Variants in AGBL1 observed in about 807,000 individuals in gnomAD.
The protein encoded by AGBL1 is cytosolic carboxypeptidase 4.
Under a neutral mutation model 118.9 loss-of-function variants are expected in AGBL1, and 130 were observed. The ratio of observed to expected loss-of-function variants is 1.09; its 90% confidence interval spans 0.95 to 1.26. AGBL1 has a LOEUF of 1.26. Ranked by LOEUF, AGBL1 falls within the 50% of genes most tolerant of loss-of-function variation. The pLI is 0.00. For synonymous variants in AGBL1, 555 were observed against 478.9 expected, an observed-to-expected ratio of 1.16 and a Z score of -2.08; for missense variants, 1,584 against 1,298.1, an observed-to-expected ratio of 1.22 and a Z score of -3.38.
Position 86,958,027 on chromosome 15 carries a change from C to A in AGBL1, c.3222-29960C>A, listed in dbSNP as rs566847753. ...GACCAGCCTAAGCCTCATGGCAAGA[C>A]CCTTGTAACTTAAAAATAAAAATAA... On this transcript the variant is annotated intron_variant, in intron 23 of 24. Transcript: ENST00000441037. Among the ~76,000 whole-genome samples, 6 of 151,744 alleles carry A rather than the reference C, an allele frequency of 4.0e-5. No homozygotes were observed. In the South Asian group the frequency reaches 1.2e-3, roughly 32 times the overall value.
chr15:86,226,436 T>C (rs1178224247), intron 6 of AGBL1, among the ~76,000 whole-genome samples: 1 of 152,176 alleles, frequency 6.6e-6, no homozygotes, highest in African/African-American at 2.4e-5. Context: ...TGATGTTTCA[T>C]GGGAAGGGAG....
chr15:86,894,428 C>T (rs1337335813), intron 22 of AGBL1, among the ~76,000 whole-genome samples: 1 of 152,084 alleles, frequency 6.6e-6, no homozygotes, highest in Non-Finnish European at 1.5e-5. Flanking sequence ...GCAGAGAGAG[C>T]AACTCTGCAT....
At chr15:86,877,011 A>G (rs1460612111) in intron 22 of AGBL1, among the ~76,000 whole-genome samples, 1 of 152,180 alleles carries the variant, frequency 6.6e-6, no homozygotes, top group Non-Finnish European at 1.5e-5. Flanking sequence ...CTGGTCTAGG[A>G]AAAAGCATTC....
intron 16 of AGBL1, among the ~76,000 whole-genome samples, 168 bp from the exon 17 acceptor site, chr15:86,295,087 C>A (rs1171448804): frequency 6.6e-6 from 1 of 152,190 alleles, no homozygotes; most frequent in Non-Finnish European, 1.5e-5. Flanking sequence ...CTGAGTTTCT[C>A]CTACACAGTA....
rs558303489 is a variant in AGBL1 at position 86,641,355 on chromosome 15, G to A, written c.2995-32918G>A. ...CAAATAACGTATAGAATATATGTGC[G>A]CTGTTTAAAGAATATTGGATAAAAT... is the stretch of plus-strand genomic sequence containing the variant. On this transcript the variant is annotated intron_variant, in intron 21 of 22. Transcript: ENST00000614907. Among the ~76,000 whole-genome samples the A allele has an allele frequency of 4.6e-5, 7 of 151,692 alleles. No individual in the cohort carries two copies. The South Asian group carries it at 1.0e-3, about 23-fold the overall frequency.
chr15:86,970,726 A>G (rs1226029727), intron 23 of AGBL1, among the ~76,000 whole-genome samples: 1 of 152,034 alleles, frequency 6.6e-6, no homozygotes, highest in Non-Finnish European at 1.5e-5. Flanking sequence ...TTCCTACCAC[A>G]TTCAGTTTCC....
At chr15:86,988,615 T>A (rs1467967343) in intron 24 of AGBL1, among the ~76,000 whole-genome samples, 2 of 152,250 alleles carry the variant, frequency 1.3e-5, no homozygotes, top group African/African-American at 4.8e-5. Context: ...TCACTTTCTC[T>A]TTGTATTTCT....
At chr15:87,021,341 TC>T (rs1375523573) in intron 24 of AGBL1, among the ~76,000 whole-genome samples, 1 of 152,070 alleles carries the variant, frequency 6.6e-6, no homozygotes, top group Admixed American at 6.6e-5. Context: ...AAACATTAAC[TC>T]AAGATGGTTT....
At chr15:86,618,802 C>T (rs1016493747) in intron 21 of AGBL1, among the ~76,000 whole-genome samples, 3 of 152,016 alleles carry the variant, frequency 2.0e-5, no homozygotes, top group Admixed American at 1.3e-4. Flanking sequence ...CTAAGATGCC[C>T]GTTTTGCCCT....
chr15:86,268,873 C>A (rs1279598811), intron 13 of AGBL1, among the ~76,000 whole-genome samples: 1 of 152,092 alleles, frequency 6.6e-6, no homozygotes, highest in Non-Finnish European at 1.5e-5. Flanking sequence ...ACCAGGGGTC[C>A]AGTGTGGGAG....
At chr15:86,626,190 A>G (rs2084884825) in intron 21 of AGBL1, among the ~76,000 whole-genome samples, 1 of 152,236 alleles carries the variant, frequency 6.6e-6, no homozygotes, top group African/African-American at 2.4e-5. Context: ...TCATTCTATC[A>G]TATAGACACA....
chr15:86,871,762 A>G (rs2079731265), intron 22 of AGBL1, among the ~76,000 whole-genome samples: 1 of 152,044 alleles, frequency 6.6e-6, no homozygotes, highest in Non-Finnish European at 1.5e-5. Flanking sequence ...TTCCTTCCAC[A>G]CCTACCATCT....
intron 22 of AGBL1, among the ~76,000 whole-genome samples, chr15:86,828,914 G>GTATA (rs3059643): frequency 0.024 from 3,390 of 141,740 alleles, 99 homozygotes; most frequent in Admixed American, 0.059. Context: ...AAGTTCAAAA[G>GTATA]TATATATATA....
chr15:86,713,549 A>G (rs866725279), intron 22 of AGBL1, among the ~76,000 whole-genome samples: 134 of 152,186 alleles, frequency 8.8e-4, no homozygotes, highest in African/African-American at 3.0e-3. Flanking sequence ...TGTGGAAATT[A>G]AAGTATATTT....
At chr15:86,085,218 G>A (rs1895559375) in intron 1 of AGBL1, among the ~76,000 whole-genome samples, 1 of 152,178 alleles carries the variant, frequency 6.6e-6, no homozygotes, top group African/African-American at 2.4e-5. Context: ...TTCAGGGAAG[G>A]CCTTGGAAAA....
At chr15:86,740,730 G>A (rs144091534) in intron 22 of AGBL1, among the ~76,000 whole-genome samples, 7 of 152,234 alleles carry the variant, frequency 4.6e-5, no homozygotes, top group African/African-American at 1.4e-4. Context: ...AAAAGAAGGT[G>A]TTCTATTCAG....
intron 17 of AGBL1, among the ~76,000 whole-genome samples, chr15:86,394,256 G>A (rs1361785684): frequency 2.6e-5 from 4 of 152,044 alleles, no homozygotes; most frequent in African/African-American, 9.7e-5. Flanking sequence ...GGGTAAACAT[G>A]TCATCTATAA....
At chr15:86,973,252 G>A (rs563456002) in intron 23 of AGBL1, among the ~76,000 whole-genome samples, 31 of 152,112 alleles carry the variant, frequency 2.0e-4, no homozygotes, top group Non-Finnish European at 4.1e-4. Flanking sequence ...CACATGAAGA[G>A]CATGGTGACA....
At chr15:86,495,003 A>G (rs1246650078) in intron 18 of AGBL1, among the ~76,000 whole-genome samples, 1 of 151,674 alleles carries the variant, frequency 6.6e-6, no homozygotes, top group African/African-American at 2.4e-5. Context: ...CTTTGAATCC[A>G]TTCACAATCC....
Sources: allele counts gnomAD v4.1 joint callset (sites outside exome capture counted in the v4.1 genomes callset), GRCh38; gene constraint gnomAD v4.1.1; transcripts MANE v1.5; gene names NCBI Gene and HGNC (gene_info 2026-07-23, HGNC 2026-07-21).